The following TLE4 variants were observed in gnomAD, a reference collection of about 807,000 sequenced individuals.
TLE4 encodes TLE family member 4, transcriptional corepressor.
In TLE4, 8 loss-of-function variants were observed where a neutral mutation model predicts 92.8. The ratio of observed to expected loss-of-function variants is 0.09; its 90% CI spans 0.05 to 0.16. TLE4 has a LOEUF of 0.16. Among genes scored for constraint, TLE4 ranks in the 10% least tolerant of loss-of-function variants. TLE4 has a pLI of 1.00. For synonymous variants in TLE4, 371 were observed against 374.1 expected (o/e 0.99, Z 0.10); for missense variants, 675 against 997.6 (o/e 0.68, Z 4.36).
chr9:79,698,167 A>G (rs1196473973), intron 8 of TLE4, among the ~76,000 whole-genome samples: 2 of 152,220 alleles, frequency 1.3e-5, no homozygotes, highest in African/African-American at 4.8e-5. Flanking sequence ...AAAGAGGTTC[A>G]TGAATTTTCC....
chr9:79,704,080 C>T (rs1044732562), intron 8 of TLE4, among the ~76,000 whole-genome samples: 2 of 152,044 alleles, frequency 1.3e-5, no homozygotes, highest in African/African-American at 4.8e-5. Flanking sequence ...GCTTTTTCTC[C>T]TTCCCTTTTT....
At chr9:79,706,086 C>A in intron 10 of TLE4, 144 bp downstream of exon 10, 2 of 817,254 alleles carry the variant, frequency 2.4e-6, no homozygotes, top group South Asian at 1.5e-5. Flanking sequence ...GTTCTCTTGC[C>A]CTGGCTAGAG....
At chr9:79,722,643 G>A (rs752462191) in intron 18 of TLE4, 42 bp downstream of exon 18, 1 of 1,604,090 alleles carries the variant, frequency 6.2e-7, no homozygotes, top group East Asian at 2.2e-5. Context: ...AACCAGAATT[G>A]CTCCTTCCCC....
intron 8 of TLE4, among the ~76,000 whole-genome samples, chr9:79,674,690 C>T (rs540633340): frequency 6.6e-5 from 10 of 152,192 alleles, no homozygotes; most frequent in Admixed American, 6.6e-4. Flanking sequence ...AAACTTGTCA[C>T]GTGGGGCGGG....
At chr9:79,718,140 A>G (rs913564124) in intron 14 of TLE4, 5 of 452,224 alleles carry the variant, frequency 1.1e-5, no homozygotes, top group African/African-American at 2.0e-5. Flanking sequence ...AGGATTTGTG[A>G]TTGTCAAGTC....
At chr9:79,699,052 G>A (rs1041211525) in intron 8 of TLE4, among the ~76,000 whole-genome samples, 4 of 152,056 alleles carry the variant, frequency 2.6e-5, no homozygotes, top group Non-Finnish European at 4.4e-5. Flanking sequence ...TTTGATGTAC[G>A]TAGGTTTATT....
At chr9:79,664,473 C>G (rs2061057386) in intron 8 of TLE4, among the ~76,000 whole-genome samples, 1 of 152,158 alleles carries the variant, frequency 6.6e-6, no homozygotes, top group Non-Finnish European at 1.5e-5. Context: ...ACTGTCACTG[C>G]TCTGAATGAG....
chr9:79,593,184 A>C (rs538003594), intron 4 of TLE4, among the ~76,000 whole-genome samples: 1 of 152,324 alleles, frequency 6.6e-6, no homozygotes, highest in South Asian at 2.1e-4. Context: ...GCTTGGTGGC[A>C]TAAAGCCACA....
At chr9:79,655,144 A>AATACATACATACATAC (rs200567926) in intron 8 of TLE4, among the ~76,000 whole-genome samples, 2 of 152,034 alleles carry the variant, frequency 1.3e-5, no homozygotes, top group Admixed American at 1.3e-4. Flanking sequence ...CTGTCTCAAA[A>AATACATACATACATAC]ATACATACAT....
At chr9:79,625,018 T>C (rs1443522028) in intron 5 of TLE4, among the ~76,000 whole-genome samples, 2 of 126,232 alleles carry the variant, frequency 1.6e-5, no homozygotes, top group Admixed American at 7.8e-5. Flanking sequence ...TCTTTTCTTT[T>C]TTTTTTTTTT....
intron 1 of TLE4, 104 bp from the exon 2 acceptor site, chr9:79,573,585 C>T (rs532699105): frequency 1.2e-5 from 11 of 947,926 alleles, no homozygotes; most frequent in Middle Eastern, 2.3e-4. Flanking sequence ...TGCTTGCGTG[C>T]GCGATGACCC....
chr9:79,671,409 G>A (rs888559037), intron 8 of TLE4: 6 of 352,240 alleles, frequency 1.7e-5, no homozygotes, highest in Admixed American at 3.2e-5. Flanking sequence ...ACAGTTTACC[G>A]TTTTTGCAGA....
chr9:79,645,780 C>A (rs555079516), intron 6 of TLE4, among the ~76,000 whole-genome samples: 1 of 152,146 alleles, frequency 6.6e-6, no homozygotes, highest in South Asian at 2.1e-4. Flanking sequence ...AAAGTTCACT[C>A]CATTTTAATG....
chr9:79,678,578 G>T (rs559472310), intron 8 of TLE4, among the ~76,000 whole-genome samples: 1 of 151,692 alleles, frequency 6.6e-6, no homozygotes, highest in African/African-American at 2.4e-5. Flanking sequence ...TTAGGTTTCA[G>T]TGGCACTCTA....
At chr9:79,577,840 T>G (rs1244516691) in intron 4 of TLE4, among the ~76,000 whole-genome samples, 3 of 152,204 alleles carry the variant, frequency 2.0e-5, no homozygotes, top group Non-Finnish European at 4.4e-5. Context: ...ATAGCTTGTA[T>G]TTGGCTGTAT....
intron 1 of TLE4, chr9:79,573,298 C>A (rs1444453091): frequency 7.7e-6 from 8 of 1,034,594 alleles, no homozygotes; most frequent in Non-Finnish European, 8.1e-6. Context: ...GCGGCCGCCT[C>A]CCTCCTCCCC....
At position 79,572,825 on chromosome 9, in the gene TLE4, C is replaced by T; in HGVS notation, c.35C>T (p.Thr12Ile). 1 of 1,599,362 alleles carries T rather than the reference C, an allele frequency of 6.3e-7. No homozygotes were observed. Among genetic ancestry groups the T allele is most frequent in the Non-Finnish European group, 8.5e-7 (1 of 1,173,862 alleles). ...GACCTGAGCAAGATGTACCCGCAGACCAGACACCCAGTGAGTGCGGGCGGC... is the reference window on the plus strand; with the variant it reads ...GACCTGAGCAAGATGTACCCGCAGATCAGACACCCAGTGAGTGCGGGCGGC... ...IRDLSKMYPQ[T>I]RHPAPHQPAQ... Residue 12 changes from threonine (T) to isoleucine (I), a missense_variant, in exon 1 of 20, where the codon ACC becomes ATC. Around this residue, in one of 5 missense-constraint regions of TLE4, gnomAD observed 38 missense variants for 33.5 expected, o/e 1.14. Coordinates refer to ENST00000376552, the MANE Select transcript of TLE4 (RefSeq NM_007005.6).
At position 79,652,739 on chromosome 9, in the gene TLE4, G is replaced by A. The variant is rs1295146314; in HGVS notation, c.537G>A (p.Gln179=). The A allele has an allele frequency of 1.2e-6, 2 of 1,614,070 alleles. No individual in the cohort carries two copies. The highest frequency in any genetic ancestry group is 2.2e-5 in the South Asian group (2 of 91,092). ...CCCTCTCCAGTGCTCTAGGAGGTCA[G>A]TCCCATCTTCCAATTAAAGATGAGA... is the stretch of plus-strand genomic sequence containing the variant. ...LLALSSALGG[Q]SHLPIKDEKK... The change falls in exon 7 of 20, where the codon CAG becomes CAA. Residue 179 remains glutamine (Q), a synonymous_variant. Coordinates refer to ENST00000376552, the MANE Select transcript of TLE4 (RefSeq NM_007005.6).
At chr9:79,682,786 G>T (rs1382113902) in intron 8 of TLE4, among the ~76,000 whole-genome samples, 1 of 152,160 alleles carries the variant, frequency 6.6e-6, no homozygotes, top group Non-Finnish European at 1.5e-5. Flanking sequence ...TCTTGGTTGG[G>T]GTTGCAGATC....
Sources: allele counts gnomAD v4.1 joint callset (sites outside exome capture counted in the v4.1 genomes callset), GRCh38; gene constraint gnomAD v4.1.1; regional missense constraint gnomAD v4.1.1; transcripts MANE v1.5; gene names NCBI Gene and HGNC (gene_info 2026-07-23, HGNC 2026-07-21).